Variants in VPS13B observed in about 807,000 individuals in gnomAD.
VPS13B encodes vacuolar protein sorting 13 homolog B.
Under a neutral mutation model 426.4 loss-of-function variants are expected in VPS13B, and 285 were observed. The ratio of observed to expected loss-of-function variants is 0.67; its 90% confidence interval spans 0.61 to 0.74. The LOEUF (loss-of-function observed/expected upper bound fraction) is 0.74. Ranked by LOEUF, VPS13B falls within the 30% of genes least tolerant of loss-of-function variation. The pLI is 0.00. For missense variants in VPS13B, 4,537 were observed against 4,782.6 expected (o/e 0.95, Z 1.51); for synonymous variants, 1,676 against 1,676.4 (o/e 1.00, Z 0.01).
chr8:99,444,671 TTTTA>T (rs993997441), intron 23 of VPS13B, among the ~76,000 whole-genome samples: 3 of 152,236 alleles, frequency 2.0e-5, no homozygotes, highest in South Asian at 2.1e-4. Flanking sequence ...TTTTATTTCT[TTTTA>T]TTTATTTATT....
At chr8:99,545,688 T>C (rs942579239) in intron 30 of VPS13B, among the ~76,000 whole-genome samples, 11 of 152,048 alleles carry the variant, frequency 7.2e-5, no homozygotes, top group African/African-American at 2.7e-4. Context: ...CAAACAGCCT[T>C]AATACTGTTG....
intron 29 of VPS13B, among the ~76,000 whole-genome samples, chr8:99,519,910 C>G (rs1183464461): frequency 6.6e-6 from 1 of 151,998 alleles, no homozygotes; most frequent in Non-Finnish European, 1.5e-5. Context: ...TGTAACAAAC[C>G]TGCATGTTGT....
At chr8:99,740,848 A>T (rs370521289) in intron 39 of VPS13B, among the ~76,000 whole-genome samples, 2 of 152,052 alleles carry the variant, frequency 1.3e-5, no homozygotes, top group African/African-American at 4.8e-5. Context: ...AGGAACAACC[A>T]GTACCAGCCA....
intron 54 of VPS13B, among the ~76,000 whole-genome samples, chr8:99,842,629 C>CA: frequency 6.6e-6 from 1 of 151,752 alleles, no homozygotes; most frequent in Non-Finnish European, 1.5e-5. Context: ...TTTAAAAAAA[C>CA]AAAAAACTTC....
Position 99,832,613 on chromosome 8 carries a change from T to C in VPS13B, c.9575T>C (p.Val3192Ala), listed in dbSNP as rs1815140816. 1 of 1,613,946 alleles carries C rather than the reference T, an allele frequency of 6.2e-7. No individual in the cohort carries two copies. The highest frequency in any genetic ancestry group is 8.5e-7 in the Non-Finnish European group (1 of 1,180,004). ...RPEFPRQSVA[V>A]PLGNFRENGF... ...GAGTTTCCCAGACAGAGTGTGGCAG[T>C]ACCCCTCGGGAATTTCCGGGAAAAT... The change falls in exon 52 of 62, where the codon GTA (valine) becomes GCA (alanine). Residue 3192 changes from valine (V) to alanine (A), a missense_variant. Transcript: ENST00000357162.
chr8:99,353,029 T>G lies in VPS13B; in HGVS notation c.2825-31179T>G, dbSNP rs201042539. Among the ~76,000 whole-genome samples the G allele has an allele frequency of 1.7e-4, 26 of 152,112 alleles. No homozygotes were observed. The East Asian group carries it at 5.1e-3, about 30-fold the overall frequency. On this transcript the variant is annotated intron_variant, in intron 19 of 61. Transcript: ENST00000357162. Reference sequence around the variant, plus strand: ...ACAGAGTCTCGCTCCAGACCCAGGCTGGAGTGCAGTGTCACAATCTTGGCT... The same window carrying G: ...ACAGAGTCTCGCTCCAGACCCAGGCGGGAGTGCAGTGTCACAATCTTGGCT...
chr8:99,560,686 G>T (rs1225930005), intron 31 of VPS13B, among the ~76,000 whole-genome samples: 2 of 152,160 alleles, frequency 1.3e-5, no homozygotes, highest in East Asian at 1.9e-4. Context: ...AACTTGCATG[G>T]CAGCTGGGAA....
intron 23 of VPS13B, among the ~76,000 whole-genome samples, chr8:99,452,201 T>C (rs1006936239): frequency 6.6e-6 from 1 of 152,170 alleles, no homozygotes; most frequent in Non-Finnish European, 1.5e-5. Context: ...AGCGCTGTCC[T>C]ATCACAGTGC....
chr8:99,187,988 G>GGAGACA lies in VPS13B; in HGVS notation c.2334-4873_2334-4868dup, dbSNP rs541852107. ...CTTAAAAAGAGAGAGAGAGAGTGAC[G>GGAGACA]GAGACAGAGACAGAGACAGACAGAG... On this transcript the variant is annotated intron_variant, in intron 16 of 61. Transcript: ENST00000357162. 3.6e-3 allele frequency among the ~76,000 whole-genome samples: 541 copies of GGAGACA among 151,194 alleles called. 2 individuals are homozygous for GGAGACA. The highest frequency in any genetic ancestry group is 0.012 in the African/African-American group (502 of 41,204).
At position 99,110,386 on chromosome 8, in the gene VPS13B, A is replaced by G. The variant is rs80141480; in HGVS notation, c.581-712A>G. On this transcript the variant is annotated intron_variant, in intron 5 of 61. Coordinates refer to ENST00000357162, the MANE Select transcript of VPS13B (RefSeq NM_152564.5). Reference sequence around the variant, plus strand: ...TCATTTCATACTTTTATACTTTACCATCAATTGTTTTATTTTTATTCCTTT... The same window carrying G: ...TCATTTCATACTTTTATACTTTACCGTCAATTGTTTTATTTTTATTCCTTT... 1.1e-4 allele frequency among the ~76,000 whole-genome samples: 17 copies of G among 152,176 alleles called. No individual in the cohort carries two copies. The East Asian group carries it at 3.3e-3, about 29-fold the overall frequency.
intron 33 of VPS13B, among the ~76,000 whole-genome samples, chr8:99,636,940 C>T (rs74749458): frequency 0.033 from 5,026 of 152,038 alleles, 117 homozygotes; most frequent in Non-Finnish European, 0.047. Flanking sequence ...TTAATGCACA[C>T]CAGTAGCTAA....
At chr8:99,100,301 A>G (rs1023314795) in intron 4 of VPS13B, among the ~76,000 whole-genome samples, 3 of 152,066 alleles carry the variant, frequency 2.0e-5, no homozygotes, top group Admixed American at 2.0e-4. Context: ...AAAAATATAT[A>G]TATTTTGAGA....
At chr8:99,613,609 A>G (rs1174092569) in intron 33 of VPS13B, among the ~76,000 whole-genome samples, 8 of 152,222 alleles carry the variant, frequency 5.3e-5, no homozygotes, top group Non-Finnish European at 8.8e-5. Context: ...GGAAAGGTGA[A>G]AATGTTTTCA....
intron 16 of VPS13B, among the ~76,000 whole-genome samples, chr8:99,189,698 G>A (rs1368839678): frequency 6.6e-6 from 1 of 151,492 alleles, no homozygotes; most frequent in South Asian, 2.1e-4. Flanking sequence ...TGTTATTTTT[G>A]TATTTCTAGA....
At chr8:99,760,683 C>T (rs547104097) in intron 39 of VPS13B, among the ~76,000 whole-genome samples, 37 of 152,094 alleles carry the variant, frequency 2.4e-4, no homozygotes, top group Non-Finnish European at 4.0e-4. Flanking sequence ...GGTTTTATTT[C>T]GATGTGTTAA....
chr8:99,176,425 C>T (rs1812636458), intron 16 of VPS13B, among the ~76,000 whole-genome samples: 1 of 152,136 alleles, frequency 6.6e-6, no homozygotes, highest in Admixed American at 6.5e-5. Flanking sequence ...GCATGAGCCA[C>T]CGCGCCCAGC....
chr8:99,296,991 T>C, intron 19 of VPS13B, among the ~76,000 whole-genome samples: 1 of 152,188 alleles, frequency 6.6e-6, no homozygotes, highest in East Asian at 1.9e-4. Context: ...AATTTAAGTA[T>C]AAATATTTGT....
chr8:99,586,809 T>C (rs973554653), intron 33 of VPS13B, among the ~76,000 whole-genome samples: 1 of 152,152 alleles, frequency 6.6e-6, no homozygotes, highest in Non-Finnish European at 1.5e-5. Flanking sequence ...CCATTGACAC[T>C]CTTCCCAGAA....
In VPS13B at chr8:99,029,107, G is replaced by A. The variant is rs548616437; in HGVS notation, c.148-9316G>A. The stretch of plus-strand genomic sequence containing the variant: ...CTCCTCACCTCCCAGACAGGGTTGC[G>A]GCCGGGCAGAGGCGCTCCTCACATC... On this transcript the variant is annotated intron_variant, in intron 2 of 61. Coordinates refer to ENST00000357162, the MANE Select transcript of VPS13B (RefSeq NM_152564.5). Among the ~76,000 whole-genome samples, 325 of 150,518 alleles carry A rather than the reference G, an allele frequency of 2.2e-3. 2 individuals are homozygous for A. Among genetic ancestry groups the A allele is most frequent in the African/African-American group, 7.7e-3 (315 of 41,000 alleles).
Sources: gnomAD v4.1 joint callset for allele counts (sites outside exome capture counted in the v4.1 genomes callset) on GRCh38, gnomAD v4.1.1 for gene constraint, MANE v1.5 for transcripts, NCBI Gene and HGNC (gene_info 2026-07-23, HGNC 2026-07-21) for gene names.